Variants in MCF2L observed in about 807,000 individuals in gnomAD.
The protein encoded by MCF2L is guanine nucleotide exchange factor DBS.
MCF2L carries 97 observed loss-of-function variants against 153.4 expected under a neutral mutation model. The ratio of observed to expected loss-of-function variants is 0.63; its 90% CI spans 0.54 to 0.75. MCF2L has a LOEUF of 0.75. Among genes scored for constraint, MCF2L ranks in the 30% least tolerant of loss-of-function variants. MCF2L has a pLI of 0.00. For missense variants in MCF2L, 1,347 were observed against 1,495.2 expected (o/e 0.90, Z 1.64); for synonymous variants, 659 against 632.2 (o/e 1.04, Z -0.64).
At chr13:113,095,238 G>T in intron 27 of MCF2L, 1 of 1,212,772 alleles carries the variant, frequency 8.2e-7, no homozygotes, top group Non-Finnish European at 1.1e-6. Context: ...TGCACCTTCT[G>T]TGCTGTGCGT....
At chr13:113,078,256 A>G in intron 13 of MCF2L, 107 bp from the exon 14 acceptor site, 1 of 894,168 alleles carries the variant, frequency 1.1e-6, no homozygotes, top group Non-Finnish European at 1.8e-6. Context: ...CTGTGGCCTC[A>G]GAGGCCGAGT....
At chr13:113,001,843 A>G in intron 1 of MCF2L, 1 of 1,524,184 alleles carries the variant, frequency 6.6e-7, no homozygotes. Flanking sequence ...GTGCTGCGCC[A>G]TCCTTTGTGT....
chr13:112,991,354 C>T (rs927220568), intron 1 of MCF2L, among the ~76,000 whole-genome samples: 12 of 144,324 alleles, frequency 8.3e-5, no homozygotes, highest in South Asian at 4.5e-4. Context: ...GGACCTGATT[C>T]GCTGTGTTTT....
chr13:113,078,509 T>TG (rs1184999961), intron 14 of MCF2L, 73 bp downstream of exon 14: 1 of 1,439,286 alleles, frequency 6.9e-7, no homozygotes, highest in Non-Finnish European at 9.6e-7. Context: ...GTTCTCCGTG[T>TG]GGCCCCCCCT....
chr13:112,901,350 C>T (rs567543083), intron 1 of MCF2L, among the ~76,000 whole-genome samples: 2 of 152,242 alleles, frequency 1.3e-5, no homozygotes, highest in South Asian at 2.1e-4. Context: ...GACGGGGTTT[C>T]GGCATGTTGG....
chr13:112,922,811 G>T (rs1193578567), intron 2 of MCF2L, among the ~76,000 whole-genome samples: 1 of 152,222 alleles, frequency 6.6e-6, no homozygotes, highest in Non-Finnish European at 1.5e-5. Context: ...CTCCAGCGTG[G>T]GCGACAGAGC....
At chr13:112,985,277 T>C (rs922778152) in intron 1 of MCF2L, 7 of 401,344 alleles carry the variant, frequency 1.7e-5, no homozygotes, top group Admixed American at 1.6e-4. Flanking sequence ...TGGTCCCTCA[T>C]GCAGATTTTA....
chr13:112,937,986 G>GGTGA, intron 2 of MCF2L, among the ~76,000 whole-genome samples: 1 of 17,126 alleles, frequency 5.8e-5, no homozygotes, highest in African/African-American at 2.1e-4. Flanking sequence ...GTTCAGGTGA[G>GGTGA]CGCTAATTGG....
At chr13:112,961,702 TCCCGGGAGCTGCAGTCA>T (rs2081828579) in intron 2 of MCF2L, among the ~76,000 whole-genome samples, 1 of 152,314 alleles carries the variant, frequency 6.6e-6, no homozygotes, top group Non-Finnish European at 1.5e-5. Context: ...CACTGCTACT[TCCCGGGAGCTGCAGTCA>T]CCCTCAGTGA....
intron 15 of MCF2L, among the ~76,000 whole-genome samples, chr13:113,080,229 T>C (rs540890542): frequency 3.0e-5 from 3 of 99,762 alleles, no homozygotes; most frequent in Non-Finnish European, 4.3e-5. Context: ...AGGAGAGTGT[T>C]CGTATGGAGG....
intron 1 of MCF2L, among the ~76,000 whole-genome samples, chr13:112,976,191 C>CGTGT (rs56098508): frequency 3.3e-4 from 49 of 148,830 alleles, no homozygotes; most frequent in Non-Finnish European, 4.6e-4. Flanking sequence ...TGTGTGTGTG[C>CGTGT]GTGTGTGTGT....
chr13:112,968,731 G>A, upstream of MCF2L: 2 of 1,385,724 alleles, frequency 1.4e-6, no homozygotes, highest in Non-Finnish European at 1.9e-6. Context: ...GGAGGCGGCG[G>A]CCAGGCGCGG....
intron 2 of MCF2L, chr13:112,917,306 T>C: frequency 2.6e-6 from 1 of 381,780 alleles, no homozygotes. Context: ...ACTGCACCTC[T>C]CCGTCCAGTT....
chr13:113,017,830 T>G (rs1260849532), intron 2 of MCF2L, among the ~76,000 whole-genome samples: 2 of 152,256 alleles, frequency 1.3e-5, no homozygotes, highest in African/African-American at 4.8e-5. Context: ...CGTGGACTTT[T>G]GCTTAATTCC....
chr13:113,044,314 A>G, intron 3 of MCF2L: 1 of 322,698 alleles, frequency 3.1e-6, no homozygotes, highest in Admixed American at 4.0e-5. Context: ...CCTCGTCTTC[A>G]TGTCTTGGGA....
intron 1 of MCF2L, among the ~76,000 whole-genome samples, chr13:112,971,166 A>G (rs1255198579): frequency 6.6e-6 from 1 of 152,228 alleles, no homozygotes; most frequent in Non-Finnish European, 1.5e-5. Flanking sequence ...GAGGGGGTTT[A>G]TGATGCAGTA....
chr13:112,915,339 G>A (rs1470966049), intron 2 of MCF2L, among the ~76,000 whole-genome samples: 1 of 144,830 alleles, frequency 6.9e-6, no homozygotes, highest in African/African-American at 2.6e-5. Context: ...AACCCGGGAA[G>A]CGGAGGTTGC....
intron 2 of MCF2L, among the ~76,000 whole-genome samples, chr13:112,931,634 C>T (rs1462276509): frequency 6.6e-6 from 1 of 152,212 alleles, no homozygotes; most frequent in African/African-American, 2.4e-5. Context: ...TGTCCACGAG[C>T]GTCCCCAGTG....
At chr13:112,903,691 T>C (rs1342236545) in intron 2 of MCF2L, among the ~76,000 whole-genome samples, 3 of 152,200 alleles carry the variant, frequency 2.0e-5, no homozygotes, top group Non-Finnish European at 4.4e-5. Context: ...TTGATTTCCA[T>C]CACTTCCCTT....
Sources: allele counts gnomAD v4.1 joint callset (sites outside exome capture counted in the v4.1 genomes callset), GRCh38; gene constraint gnomAD v4.1.1; transcripts MANE v1.5; gene names NCBI Gene and HGNC (gene_info 2026-07-23, HGNC 2026-07-21).